NOSTRIN: variants seen among roughly 807,000 people sequenced by gnomAD.
NOSTRIN encodes BM247 homolog.
In NOSTRIN, 63 loss-of-function variants were observed where a neutral mutation model predicts 59.0. The ratio of observed to expected loss-of-function variants is 1.07; its 90% CI spans 0.87 to 1.32. The LOEUF (loss-of-function observed/expected upper bound fraction) is 1.32, where lower values mean the gene tolerates loss of function less well. Ranked by LOEUF, NOSTRIN falls within the 40% of genes most tolerant of loss-of-function variation. The pLI is 0.00. For synonymous variants in NOSTRIN, 200 were observed against 165.4 expected, an observed-to-expected ratio of 1.21 and a Z score of -1.61; for missense variants, 512 against 473.1, an observed-to-expected ratio of 1.08 and a Z score of -0.76.
At chr2:168,796,765 T>G (rs181506917), upstream of NOSTRIN, among the ~76,000 whole-genome samples, 3 of 152,244 alleles carry the variant, frequency 2.0e-5, no homozygotes, top group East Asian at 5.8e-4. Flanking sequence ...GCCTCCCAAG[T>G]GCATTGGAGC....
chr2:168,805,189 T>C (rs547220410), intron 1 of NOSTRIN, among the ~76,000 whole-genome samples: 1 of 152,222 alleles, frequency 6.6e-6, no homozygotes, highest in East Asian at 1.9e-4. Context: ...ATGGGCAAAA[T>C]AGACTGACAG....
chr2:168,846,919 G>A (rs976417924), intron 8 of NOSTRIN, among the ~76,000 whole-genome samples: 1 of 152,164 alleles, frequency 6.6e-6, no homozygotes, highest in Admixed American at 6.5e-5. Flanking sequence ...GGACAGTAGG[G>A]CTTCATTCTT....
At chr2:168,808,445 T>C (rs1685973573) in intron 1 of NOSTRIN, among the ~76,000 whole-genome samples, 3 of 152,170 alleles carry the variant, frequency 2.0e-5, no homozygotes, top group Non-Finnish European at 1.5e-5. Context: ...TTTTCTCCCA[T>C]CCTCAGCCCC....
At chr2:168,791,523 G>A (rs1453817836) in intron 2 of NOSTRIN, among the ~76,000 whole-genome samples, 1 of 152,086 alleles carries the variant, frequency 6.6e-6, no homozygotes, top group Non-Finnish European at 1.5e-5. Context: ...GGCATGGCTG[G>A]GTCAAATAGT....
At chr2:168,864,131 C>CT (rs1689686916) in intron 15 of NOSTRIN, among the ~76,000 whole-genome samples, 1 of 152,030 alleles carries the variant, frequency 6.6e-6, no homozygotes, top group African/African-American at 2.4e-5. Context: ...CCATGCCTGG[C>CT]TAATTTTTGT....
At chr2:168,846,872 G>A (rs543655685) in intron 8 of NOSTRIN, among the ~76,000 whole-genome samples, 1 of 152,290 alleles carries the variant, frequency 6.6e-6, no homozygotes, top group South Asian at 2.1e-4. Context: ...CTCTAGATGA[G>A]ACGAATGACA....
At chr2:168,828,751 A>C (rs570664819) in intron 5 of NOSTRIN, among the ~76,000 whole-genome samples, 1 of 152,270 alleles carries the variant, frequency 6.6e-6, no homozygotes, top group South Asian at 2.1e-4. Flanking sequence ...CATTCAAAAT[A>C]AATTGTGATA....
At chr2:168,799,546 C>CCTG (rs1377704910), upstream of NOSTRIN, among the ~76,000 whole-genome samples, 8 of 152,180 alleles carry the variant, frequency 5.3e-5, no homozygotes, top group Non-Finnish European at 1.2e-4. Context: ...GCAGGTTCTC[C>CCTG]CTGCTGCTGC....
intron 1 of NOSTRIN, among the ~76,000 whole-genome samples, chr2:168,804,255 G>C (rs1412689678): frequency 6.6e-6 from 1 of 152,076 alleles, no homozygotes; most frequent in Admixed American, 6.6e-5. Context: ...CCACTCCCTG[G>C]CATGCTGAAT....
intron 7 of NOSTRIN, among the ~76,000 whole-genome samples, 160 bp downstream of exon 7, chr2:168,834,485 T>G (rs181784828): frequency 3.1e-5 from 2 of 64,656 alleles, no homozygotes; most frequent in African/African-American, 1.5e-4. Context: ...AAATCATTAC[T>G]GGCGTGCGCG....
At chr2:168,849,670 C>CAAAAAAAAAA (rs10650489) in intron 8 of NOSTRIN, among the ~76,000 whole-genome samples, 1 of 118,714 alleles carries the variant, frequency 8.4e-6, no homozygotes, top group Non-Finnish European at 1.7e-5. Context: ...CTTGTTTTTA[C>CAAAAAAAAAA]AAAAAAAAAA....
chr2:168,830,489 C>A (rs1303363433), intron 5 of NOSTRIN, among the ~76,000 whole-genome samples: 1 of 152,154 alleles, frequency 6.6e-6, no homozygotes, highest in Admixed American at 6.5e-5. Context: ...GAACCATATA[C>A]TCTAAATTTA....
At chr2:168,854,194 G>A (rs988297929) in intron 10 of NOSTRIN, among the ~76,000 whole-genome samples, 5 of 152,148 alleles carry the variant, frequency 3.3e-5, no homozygotes, top group African/African-American at 7.2e-5. Context: ...CTTTTGTAAT[G>A]TGCAATGAAA....
intron 2 of NOSTRIN, among the ~76,000 whole-genome samples, chr2:168,789,873 C>A (rs1235734303): frequency 6.6e-6 from 1 of 152,128 alleles, no homozygotes; most frequent in Non-Finnish European, 1.5e-5. Flanking sequence ...ATTTTCTGAA[C>A]CAGTACTTGG....
At chr2:168,843,593 T>C (rs1265014816) in intron 8 of NOSTRIN, among the ~76,000 whole-genome samples, 1 of 152,164 alleles carries the variant, frequency 6.6e-6, no homozygotes, top group Admixed American at 6.5e-5. Flanking sequence ...GAAGGAATTG[T>C]GGCAAATTAT....
At chr2:168,803,358 A>T (rs1685689272) in intron 1 of NOSTRIN, among the ~76,000 whole-genome samples, 1 of 152,342 alleles carries the variant, frequency 6.6e-6, no homozygotes, top group African/African-American at 2.4e-5. Context: ...TACTTTGAAA[A>T]TAAAGTAATT....
chr2:168,857,690 G>A (rs1689207962), intron 12 of NOSTRIN, among the ~76,000 whole-genome samples: 1 of 152,340 alleles, frequency 6.6e-6, no homozygotes, highest in Admixed American at 6.5e-5. Context: ...GAGATCATGA[G>A]TGGACTGGGG....
At chr2:168,863,719 A>ATTGTC (rs1689640794) in intron 15 of NOSTRIN, 1 of 907,408 alleles carries the variant, frequency 1.1e-6, no homozygotes, top group South Asian at 5.1e-5. Flanking sequence ...ATGCAGAGAC[A>ATTGTC]TTGTCTTGAT....
intron 2 of NOSTRIN, among the ~76,000 whole-genome samples, chr2:168,813,915 A>G (rs962531605): frequency 6.6e-5 from 10 of 152,176 alleles, no homozygotes; most frequent in African/African-American, 2.4e-4. Flanking sequence ...CCAAGAAGCC[A>G]TTTTTAAAGT....
Sources: allele counts gnomAD v4.1 joint callset (sites outside exome capture counted in the v4.1 genomes callset), GRCh38; gene constraint gnomAD v4.1.1; transcripts MANE v1.5; gene names NCBI Gene and HGNC (gene_info 2026-07-23, HGNC 2026-07-21).